ABLIM1: variants seen among roughly 807,000 people sequenced by gnomAD.
The protein encoded by ABLIM1 is actin-binding LIM protein 1.
Under a neutral mutation model 107.0 loss-of-function variants are expected in ABLIM1, and 40 were observed. The ratio of observed to expected loss-of-function variants is 0.37; its 90% CI spans 0.29 to 0.49. The LOEUF (loss-of-function observed/expected upper bound fraction) is 0.49. ABLIM1 is among the 20% of genes least tolerant of loss of function. The pLI, the probability that ABLIM1 is intolerant of heterozygous loss-of-function variation, is 0.97. For synonymous variants in ABLIM1, 357 were observed against 357.3 expected (o/e 1.00, Z 0.01); for missense variants, 857 against 1,008.5 (o/e 0.85, Z 2.04).
At chr10:114,526,645 C>G (rs2064804865) in intron 6 of ABLIM1, 1 of 985,368 alleles carries the variant, frequency 1.0e-6, no homozygotes, top group Non-Finnish European at 1.2e-6. Flanking sequence ...TCACCTTGTG[C>G]AATGTCCGCT....
At chr10:114,505,552 G>T (rs2061010028) in intron 6 of ABLIM1, among the ~76,000 whole-genome samples, 1 of 152,198 alleles carries the variant, frequency 6.6e-6, no homozygotes, top group South Asian at 2.1e-4. Flanking sequence ...GAATAGGGCA[G>T]TATCAGATAA....
At chr10:114,675,012 A>G (rs1317208577) in intron 1 of ABLIM1, among the ~76,000 whole-genome samples, 1 of 152,106 alleles carries the variant, frequency 6.6e-6, no homozygotes, top group East Asian at 1.9e-4. Flanking sequence ...ATAATGGTAG[A>G]AAGTCCTCTG....
chr10:114,599,854 CATTTATGGATTGT>C (rs1212292021), intron 2 of ABLIM1, among the ~76,000 whole-genome samples: 4 of 151,794 alleles, frequency 2.6e-5, no homozygotes, highest in African/African-American at 9.7e-5. Flanking sequence ...TGGCTGCAGT[CATTTATGGATTGT>C]ATTTATTTCA....
At chr10:114,571,014 C>T (rs10885583) in intron 4 of ABLIM1, among the ~76,000 whole-genome samples, 57,882 of 152,026 alleles carry the variant, frequency 0.38, 12,917 homozygotes, top group Non-Finnish European at 0.51. Context: ...CACACCTAGG[C>T]TGATGCTCGT....
chr10:114,595,359 A>G (rs2075311629), intron 2 of ABLIM1, among the ~76,000 whole-genome samples: 1 of 152,264 alleles, frequency 6.6e-6, no homozygotes, highest in African/African-American at 2.4e-5. Flanking sequence ...CTGCACAAAT[A>G]CCAACACATT....
chr10:114,607,707 G>T (rs2076521886), intron 1 of ABLIM1, among the ~76,000 whole-genome samples: 2 of 152,000 alleles, frequency 1.3e-5, no homozygotes, highest in African/African-American at 4.8e-5. Context: ...CCAAATGGAG[G>T]GACATTCTAC....
chr10:114,567,071 TTTCCA>T (rs1296424176), intron 4 of ABLIM1, among the ~76,000 whole-genome samples: 1 of 152,100 alleles, frequency 6.6e-6, no homozygotes, highest in Admixed American at 6.6e-5. Flanking sequence ...TGTCTGGTGG[TTTCCA>T]TTCACCAACA....
chr10:114,550,579 C>T (rs1368511539), intron 4 of ABLIM1, among the ~76,000 whole-genome samples: 1 of 152,052 alleles, frequency 6.6e-6, no homozygotes, highest in Non-Finnish European at 1.5e-5. Context: ...GAGTCCACAG[C>T]TTACATTAGG....
At chr10:114,530,528 T>A (rs1050678499) in intron 6 of ABLIM1, among the ~76,000 whole-genome samples, 18 of 152,096 alleles carry the variant, frequency 1.2e-4, no homozygotes, top group South Asian at 4.2e-4. Context: ...GAAATAAATA[T>A]TTATTTATTT....
chr10:114,766,549 G>A (rs534221437), intron 1 of ABLIM1, among the ~76,000 whole-genome samples: 27 of 152,250 alleles, frequency 1.8e-4, no homozygotes, highest in African/African-American at 5.1e-4. Context: ...ATGAAATTGT[G>A]TGACGGCCTA....
At chr10:114,718,487 T>C (rs1255384279) in intron 1 of ABLIM1, among the ~76,000 whole-genome samples, 2 of 152,204 alleles carry the variant, frequency 1.3e-5, no homozygotes, top group Non-Finnish European at 2.9e-5. Context: ...CTATTGGTAA[T>C]GAGGACAAAG....
chr10:114,800,927 A>AAAAAG, the ABLIM1 span, among the ~76,000 whole-genome samples: 1 of 152,220 alleles, frequency 6.6e-6, no homozygotes, highest in South Asian at 2.1e-4. Context: ...AAAAACAAAA[A>AAAAAG]AAAAGAAAAG....
At chr10:114,580,205 T>TTATATATTATA (rs560754012) in intron 2 of ABLIM1, among the ~76,000 whole-genome samples, 6 of 144,880 alleles carry the variant, frequency 4.1e-5, no homozygotes, top group African/African-American at 1.5e-4. Flanking sequence ...ATATTATATA[T>TTATATATTATA]TATATATATA....
intron 2 of ABLIM1, among the ~76,000 whole-genome samples, chr10:114,580,695 AT>A (rs143074742): frequency 5.3e-5 from 8 of 151,716 alleles, no homozygotes; most frequent in South Asian, 2.1e-4. Flanking sequence ...GGTGAACATT[AT>A]TTTTTTTTAA....
chr10:114,525,126 C>A (rs894968645), intron 6 of ABLIM1, among the ~76,000 whole-genome samples: 6 of 152,202 alleles, frequency 3.9e-5, no homozygotes, highest in African/African-American at 1.4e-4. Flanking sequence ...GCTACTGTCG[C>A]CTGGTGTGTA....
At chr10:114,479,781 G>A (rs1402844671) in intron 8 of ABLIM1, among the ~76,000 whole-genome samples, 1 of 151,992 alleles carries the variant, frequency 6.6e-6, no homozygotes, top group Non-Finnish European at 1.5e-5. Flanking sequence ...ATTATTTTTG[G>A]ACTTTTAATC....
chr10:114,458,558 C>T (rs187932103), intron 12 of ABLIM1, among the ~76,000 whole-genome samples: 2 of 152,102 alleles, frequency 1.3e-5, no homozygotes, highest in African/African-American at 2.4e-5. Flanking sequence ...CTTGAGGGAA[C>T]CTTAAGATAA....
intron 12 of ABLIM1, among the ~76,000 whole-genome samples, chr10:114,460,271 A>G (rs2063590297): frequency 6.6e-6 from 1 of 152,164 alleles, no homozygotes; most frequent in Non-Finnish European, 1.5e-5. Flanking sequence ...CCATTTCCCA[A>G]GAATGCTGTG....
chr10:114,540,730 C>A (rs955194883), intron 6 of ABLIM1, among the ~76,000 whole-genome samples: 1 of 152,102 alleles, frequency 6.6e-6, no homozygotes, highest in Non-Finnish European at 1.5e-5. Context: ...TCTGGTGACA[C>A]CACACCTAGA....
Sources: allele counts gnomAD v4.1 joint callset (sites outside exome capture counted in the v4.1 genomes callset), GRCh38; gene constraint gnomAD v4.1.1; transcripts MANE v1.5; gene names NCBI Gene and HGNC (gene_info 2026-07-23, HGNC 2026-07-21).